The following DPF3 variants were observed in gnomAD, a reference collection of about 807,000 sequenced individuals.
The protein encoded by DPF3 is zinc finger protein DPF3.
Under a neutral mutation model 56.8 loss-of-function variants are expected in DPF3, and 18 were observed. The observed-to-expected ratio is 0.32, with a 90% CI of 0.22 to 0.47. The LOEUF is 0.47. Ranked by LOEUF, DPF3 falls within the 20% of genes least tolerant of loss-of-function variation. The pLI is 1.00. For missense variants in DPF3, 403 were observed against 488.8 expected, an observed-to-expected ratio of 0.82 and a Z score of 1.65; for synonymous variants, 188 against 180.2, an observed-to-expected ratio of 1.04 and a Z score of -0.35.
At chr14:72,626,063 C>T (rs1884807920) in intron 9 of DPF3, among the ~76,000 whole-genome samples, 1 of 152,192 alleles carries the variant, frequency 6.6e-6, no homozygotes. Context: ...TTCTTCCTCA[C>T]TCTTCGGTAT....
At chr14:72,637,692 G>C (rs562468056) in intron 8 of DPF3, among the ~76,000 whole-genome samples, 1 of 152,052 alleles carries the variant, frequency 6.6e-6, no homozygotes, top group African/African-American at 2.4e-5. Flanking sequence ...CTGTAGCTTT[G>C]TCTATGCCAC....
At chr14:72,674,508 G>A (rs938243896) in intron 7 of DPF3, 140 bp from the exon 8 acceptor site, 10 of 1,265,756 alleles carry the variant, frequency 7.9e-6, no homozygotes, top group Admixed American at 5.8e-5. Flanking sequence ...ATTGGGCTAC[G>A]CTTTCTTTTG....
chr14:72,620,501 G>A (rs948426433), intron 9 of DPF3, among the ~76,000 whole-genome samples: 6 of 152,120 alleles, frequency 3.9e-5, no homozygotes, highest in East Asian at 1.9e-4. Flanking sequence ...GCCATCCCTC[G>A]GCTTCCAGAA....
chr14:72,884,940 CTATATATATATA>C (rs773450437), intron 1 of DPF3, among the ~76,000 whole-genome samples: 673 of 29,622 alleles, frequency 0.023, 105 homozygotes, highest in African/African-American at 0.046. Flanking sequence ...ACTAAAAATA[CTATATATATATA>C]TATATATATA....
In DPF3 at chr14:72,807,081, A is replaced by G. The variant is rs150899287; in HGVS notation, c.33-35188T>C. Reference sequence around the variant, plus strand: ...AGGTGAGTTTTCTCTCACCTTGGGTACTGCAGAGCCCACCACCAGTCCACC... The same window carrying G: ...AGGTGAGTTTTCTCTCACCTTGGGTGCTGCAGAGCCCACCACCAGTCCACC... On this transcript the variant is annotated intron_variant, in intron 1 of 10. Transcript: ENST00000556509. Among the ~76,000 whole-genome samples, 35 of 152,266 alleles carry G rather than the reference A, an allele frequency of 2.3e-4. 2 individuals are homozygous for G. The highest frequency in any genetic ancestry group is 7.7e-4 in the African/African-American group (32 of 41,562).
chr14:72,670,705 A>G (rs1886633817), intron 8 of DPF3: 14 of 999,342 alleles, frequency 1.4e-5, no homozygotes, highest in Non-Finnish European at 1.7e-5. Flanking sequence ...TATAAATAAT[A>G]ATGTTTTAAT....
intron 3 of DPF3, among the ~76,000 whole-genome samples, chr14:72,753,035 C>T (rs967451748): frequency 6.6e-6 from 1 of 152,148 alleles, no homozygotes; most frequent in Middle Eastern, 3.2e-3. Flanking sequence ...CCTGGGGTGG[C>T]AAAGGGAAGG....
intron 3 of DPF3, among the ~76,000 whole-genome samples, chr14:72,741,623 C>T (rs1366466581): frequency 6.6e-6 from 1 of 152,242 alleles, no homozygotes; most frequent in Non-Finnish European, 1.5e-5. Flanking sequence ...AAGTCATGTT[C>T]TCCAAGGTTA....
At chr14:72,754,051 C>A in intron 2 of DPF3, among the ~76,000 whole-genome samples, 1 of 151,986 alleles carries the variant, frequency 6.6e-6, no homozygotes, top group East Asian at 1.9e-4. Context: ...GCTGGGCTTA[C>A]GTGCCACCCT....
intron 8 of DPF3, chr14:72,671,063 A>G (rs936142041): frequency 1.3e-6 from 2 of 1,539,516 alleles, no homozygotes; most frequent in Admixed American, 4.2e-5. Flanking sequence ...TAAAAAAAAT[A>G]TATATCAGAA....
chr14:72,680,456 A>G (rs1159085116), intron 7 of DPF3, among the ~76,000 whole-genome samples: 1 of 152,234 alleles, frequency 6.6e-6, no homozygotes, highest in Non-Finnish European at 1.5e-5. Flanking sequence ...GGAAGCAGAC[A>G]GTAGGGCCCG....
chr14:72,840,842 G>C lies in DPF3; in HGVS notation c.32+53215C>G, dbSNP rs560647807. The stretch of plus-strand genomic sequence containing the variant: ...CAGACAAAAGGCCAGGTCCCAGGAT[G>C]TGAGGGTCACCCATGAAAAGGACCT... On this transcript the variant is annotated intron_variant, in intron 1 of 10. Coordinates refer to ENST00000556509, the MANE Select transcript of DPF3 (RefSeq NM_001280542.3). 2.0e-5 allele frequency among the ~76,000 whole-genome samples: 3 copies of C among 152,342 alleles called. No individual in the cohort carries two copies. In the East Asian group the frequency reaches 5.8e-4, roughly 29 times the overall value.
At chr14:72,883,898 G>A (rs978703546) in intron 1 of DPF3, among the ~76,000 whole-genome samples, 2 of 144,748 alleles carry the variant, frequency 1.4e-5, no homozygotes, top group African/African-American at 5.1e-5. Flanking sequence ...CTGCACTCCA[G>A]CCTAGGCGAC....
chr14:72,782,396 GT>G (rs1212782868), intron 1 of DPF3, among the ~76,000 whole-genome samples: 1 of 151,948 alleles, frequency 6.6e-6, no homozygotes, highest in Non-Finnish European at 1.5e-5. Flanking sequence ...GCTAATTTTT[GT>G]ATTTTTTTAT....
chr14:72,658,485 G>A (rs983918970), intron 8 of DPF3, among the ~76,000 whole-genome samples: 1 of 152,116 alleles, frequency 6.6e-6, no homozygotes, highest in African/African-American at 2.4e-5. Context: ...TAAAAGGAAT[G>A]TGATGTAATA....
intron 1 of DPF3, among the ~76,000 whole-genome samples, chr14:72,866,439 G>T (rs1043345748): frequency 1.3e-5 from 2 of 150,730 alleles, no homozygotes; most frequent in African/African-American, 4.9e-5. Context: ...TGTTCTCACT[G>T]CTCCTTTCTG....
At chr14:72,787,546 G>T (rs1406897149) in intron 1 of DPF3, among the ~76,000 whole-genome samples, 2 of 152,184 alleles carry the variant, frequency 1.3e-5, no homozygotes, top group African/African-American at 4.8e-5. Flanking sequence ...ACATAGAAAG[G>T]TTTACTAGTG....
intron 3 of DPF3, among the ~76,000 whole-genome samples, chr14:72,737,624 GTTC>G (rs1889946000): frequency 1.3e-5 from 2 of 152,226 alleles, no homozygotes; most frequent in South Asian, 2.1e-4. Flanking sequence ...GATTAAGACA[GTTC>G]TTCTTTGGGG....
intron 1 of DPF3, chr14:72,879,812 C>T: frequency 1.3e-6 from 2 of 1,535,518 alleles, no homozygotes; most frequent in East Asian, 2.4e-5. Context: ...ACCCTAGAGC[C>T]CATGGGCCTC....
Sources: allele counts gnomAD v4.1 joint callset (sites outside exome capture counted in the v4.1 genomes callset), GRCh38; gene constraint gnomAD v4.1.1; transcripts MANE v1.5; gene names NCBI Gene and HGNC (gene_info 2026-07-23, HGNC 2026-07-21).